The following ASIC5 variants were observed in gnomAD, a reference collection of about 807,000 sequenced individuals.
ASIC5 encodes the protein bile acid-sensitive ion channel.
Under a neutral mutation model 51.2 loss-of-function variants are expected in ASIC5, and 52 were observed. The observed-to-expected ratio is 1.02, with a 90% CI of 0.81 to 1.28. The LOEUF (loss-of-function observed/expected upper bound fraction) is 1.28, where lower values mean the gene tolerates loss of function less well. Ranked by LOEUF, ASIC5 falls within the 50% of genes most tolerant of loss-of-function variation. The probability of loss-of-function intolerance (pLI) is 0.00; values close to 1 mark genes in which losing one functional copy is unlikely to be tolerated. For synonymous variants in ASIC5, 231 were observed against 200.7 expected (o/e 1.15, Z -1.28); for missense variants, 635 against 595.0 (o/e 1.07, Z -0.70).
At chr4:155,840,760 G>A (rs1236592333) in intron 6 of ASIC5, among the ~76,000 whole-genome samples, 2 of 151,872 alleles carry the variant, frequency 1.3e-5, no homozygotes, top group East Asian at 1.9e-4. Flanking sequence ...TATGTTTAGG[G>A]GTCATGCAGC....
intron 7 of ASIC5, among the ~76,000 whole-genome samples, chr4:155,837,858 A>G (rs1258866426): frequency 1.3e-5 from 2 of 151,862 alleles, no homozygotes; most frequent in Non-Finnish European, 1.5e-5. Flanking sequence ...ACAAACACAC[A>G]CACTCTTCTG....
At chr4:155,848,084 TGGCTTCATGCTGTTTTTATTAG>T (rs1741297950) in intron 4 of ASIC5, among the ~76,000 whole-genome samples, 1 of 152,092 alleles carries the variant, frequency 6.6e-6, no homozygotes, top group Admixed American at 6.6e-5. Flanking sequence ...CAAATTTAAT[TGGCTTCATGCTGTTTTTATTAG>T]GGCTTCTTAT....
rs1740837675 is a variant in ASIC5 at position 155,829,958 on chromosome 4, G to A, written c.1416C>T (p.Tyr472=). 1 of 1,603,962 alleles carries A rather than the reference G, an allele frequency of 6.2e-7. No homozygotes were observed. The highest frequency in any genetic ancestry group is 1.1e-5 in the South Asian group (1 of 89,552). The change falls in exon 10 of 10, where the codon TAC becomes TAT. Residue 472 remains tyrosine, a synonymous_variant. Coordinates refer to ENST00000537611, the MANE Select transcript of ASIC5 (RefSeq NM_017419.3). ...EIIEYLFTNF[Y]WICIFFLLKI... is the part of the protein sequence containing the mutation. Reference sequence around the variant, plus strand: ...TCAGCAAAAAGAAAATGCATATCCAGTAGAAATTGGTGAATAGATATTCAA... The same window carrying A: ...TCAGCAAAAAGAAAATGCATATCCAATAGAAATTGGTGAATAGATATTCAA...
At chr4:155,861,097 C>A (rs1272713186) in intron 2 of ASIC5, among the ~76,000 whole-genome samples, 1 of 151,694 alleles carries the variant, frequency 6.6e-6, no homozygotes, top group African/African-American at 2.4e-5. Flanking sequence ...TAATTTTATT[C>A]TATTGTGATT....
intron 8 of ASIC5, 37 bp downstream of exon 8, chr4:155,836,652 G>T: frequency 7.5e-7 from 1 of 1,326,774 alleles, no homozygotes; most frequent in Non-Finnish European, 1.0e-6. Context: ...AAAAATCTAT[G>T]TTAATTATCA....
chr4:155,842,830 G>A (rs995604718), intron 5 of ASIC5, among the ~76,000 whole-genome samples: 4 of 151,948 alleles, frequency 2.6e-5, no homozygotes, highest in Non-Finnish European at 4.4e-5. Flanking sequence ...AAATAGAAGG[G>A]TGAGGAAAAT....
rs1741139306 is a variant in ASIC5 at position 155,842,368 on chromosome 4, A to G, written c.862-14T>C. ...TTGATGAACTGTCTTAAGATAAGAT[A>G]AATACTGGGTTCAGGAGATGTGTTT... On this transcript the variant is annotated splice_polypyrimidine_tract_variant and intron_variant, in intron 5 of 9. Transcript: ENST00000537611. The G allele has an allele frequency of 1.9e-6, 3 of 1,600,132 alleles. No homozygotes were observed. The highest frequency in any genetic ancestry group is 2.6e-6 in the Non-Finnish European group (3 of 1,170,256).
rs183125275 is a variant in ASIC5 at position 155,865,660 on chromosome 4, T to A, written c.40+527A>T. ...TTGGCCTTTCTGGAGTAATACCAACTATTTTCTAGTGTTTTAATAGAGTTT... is the reference window on the plus strand; with the variant it reads ...TTGGCCTTTCTGGAGTAATACCAACAATTTTCTAGTGTTTTAATAGAGTTT... On this transcript the variant is annotated intron_variant, in intron 1 of 9. Coordinates refer to ENST00000537611, the MANE Select transcript of ASIC5 (RefSeq NM_017419.3). Among the ~76,000 whole-genome samples the A allele has an allele frequency of 3.0e-4, 41 of 136,020 alleles. No homozygotes were observed. In the Middle Eastern group the frequency reaches 0.014, roughly 47 times the overall value. 89.2% of individuals were successfully genotyped at this position (136,020 alleles called of 152,430 possible). A position where few individuals can be genotyped will look rare whatever the true frequency, so the allele number is the denominator to read the frequency against.
At chr4:155,837,524 T>C (rs1741013018) in intron 7 of ASIC5, among the ~76,000 whole-genome samples, 1 of 152,162 alleles carries the variant, frequency 6.6e-6, no homozygotes, top group Non-Finnish European at 1.5e-5. Context: ...TCACTGCTCC[T>C]CATTCATGGT....
At chr4:155,843,184 T>G (rs914321127) in intron 5 of ASIC5, among the ~76,000 whole-genome samples, 2 of 152,120 alleles carry the variant, frequency 1.3e-5, no homozygotes, top group Non-Finnish European at 2.9e-5. Context: ...GTAAGTGCTT[T>G]CTTTATGGTA....
At chr4:155,858,608 G>A (rs370543036) in intron 2 of ASIC5, among the ~76,000 whole-genome samples, 53 of 152,204 alleles carry the variant, frequency 3.5e-4, no homozygotes, top group African/African-American at 1.2e-3. Flanking sequence ...AGAAATATCT[G>A]TGATCCATGC....
rs776425479 is a variant in ASIC5, at chr4:155,842,274, A to G, written c.942T>C (p.Gly314=). ...LQNFSSYSTS[G]CLKECKAQHI... Reference sequence around the variant, plus strand: ...GCTGGGCTTTGCATTCCTTCAAGCAACCAGAAGTGCTGTAGCTGCTAAAAT... The same window carrying G: ...GCTGGGCTTTGCATTCCTTCAAGCAGCCAGAAGTGCTGTAGCTGCTAAAAT... The change falls in exon 6 of 10, where the codon GGT becomes GGC. Residue 314 remains glycine (G), a synonymous_variant. Coordinates refer to ENST00000537611, the MANE Select transcript of ASIC5 (RefSeq NM_017419.3). 6.2e-7 allele frequency: 1 copy of G among 1,613,716 alleles called. No individual in the cohort carries two copies. The highest frequency in any genetic ancestry group is 1.7e-5 in the Admixed American group (1 of 59,966).
At chr4:155,836,650 A>G (rs765121503) in intron 8 of ASIC5, 39 bp downstream of exon 8, 16 of 1,311,874 alleles carry the variant, frequency 1.2e-5, no homozygotes, top group Non-Finnish European at 1.7e-5. Flanking sequence ...AAAAAAATCT[A>G]TGTTAATTAT....
At chr4:155,845,145 A>G (rs968047065) in intron 4 of ASIC5, among the ~76,000 whole-genome samples, 1 of 152,144 alleles carries the variant, frequency 6.6e-6, no homozygotes, top group Non-Finnish European at 1.5e-5. Flanking sequence ...GGCTTTATTT[A>G]CATAACAAAG....
chr4:155,849,428 A>G (rs919135956), intron 4 of ASIC5, among the ~76,000 whole-genome samples: 6 of 152,120 alleles, frequency 3.9e-5, no homozygotes, highest in African/African-American at 1.4e-4. Context: ...TATGTAAAAA[A>G]TAACTATTCT....
At chr4:155,863,870 A>G in intron 1 of ASIC5, 116 bp from the exon 2 acceptor site, 3 of 818,940 alleles carry the variant, frequency 3.7e-6, no homozygotes, top group Middle Eastern at 3.4e-4. Flanking sequence ...TTTACTTGTA[A>G]TTCATAGAAA....
intron 4 of ASIC5, among the ~76,000 whole-genome samples, chr4:155,848,351 A>G (rs1408665037): frequency 6.6e-6 from 1 of 152,086 alleles, no homozygotes; most frequent in Non-Finnish European, 1.5e-5. Flanking sequence ...CTAAAGTCCA[A>G]AAATGACATA....
chr4:155,829,791 A>T lies in ASIC5; in HGVS notation c.*65T>A. 1 of 1,044,292 alleles carries T rather than the reference A, an allele frequency of 9.6e-7. No individual in the cohort carries two copies. Among genetic ancestry groups the T allele is most frequent in the East Asian group, 2.7e-5 (1 of 37,440 alleles). The allele number at this position is 1,044,292 out of a possible 1,614,324, so 64.7% of individuals were successfully genotyped here. On this transcript the variant is annotated 3_prime_UTR_variant, in exon 10 of 10. Transcript: ENST00000537611. ...CAAAACTATAGAAAAGTGACGTAAC[A>T]ATGAATTAGTCAAGATAAATCTGAA...
At chr4:155,832,547 GA>G (rs1740892595) in intron 8 of ASIC5, among the ~76,000 whole-genome samples, 1 of 152,124 alleles carries the variant, frequency 6.6e-6, no homozygotes, top group Non-Finnish European at 1.5e-5. Flanking sequence ...ACACGGTCTT[GA>G]AAGCCCTCAC....
Sources: gnomAD v4.1 joint callset for allele counts (sites outside exome capture counted in the v4.1 genomes callset) on GRCh38, gnomAD v4.1.1 for gene constraint, MANE v1.5 for transcripts, NCBI Gene and HGNC (gene_info 2026-07-23, HGNC 2026-07-21) for gene names.